ELP4: variants seen among roughly 807,000 people sequenced by gnomAD.
The protein encoded by ELP4 is elongator acetyltransferase complex subunit 4.
A neutral mutation model predicts 48.9 loss-of-function variants in ELP4; 51 were observed. The observed-to-expected ratio is 1.04, with a 90% CI of 0.83 to 1.32. The LOEUF (loss-of-function observed/expected upper bound fraction) is 1.32. Ranked by LOEUF, ELP4 falls within the 40% of genes most tolerant of loss-of-function variation. The pLI is 0.00. For synonymous variants in ELP4, 210 were observed against 189.2 expected (o/e 1.11, Z -0.90); for missense variants, 519 against 514.6 (o/e 1.01, Z -0.08).
At chr11:31,674,572 T>C (rs192578098) in intron 9 of ELP4, among the ~76,000 whole-genome samples, 191 of 152,344 alleles carry the variant, frequency 1.3e-3, no homozygotes, top group African/African-American at 4.4e-3. Flanking sequence ...ACATTTAATA[T>C]GGAAAGGAAA....
intron 3 of ELP4, among the ~76,000 whole-genome samples, chr11:31,578,295 C>G (rs1301284998): frequency 6.6e-6 from 1 of 152,178 alleles, no homozygotes; most frequent in African/African-American, 2.4e-5. Context: ...GAAGAGAATA[C>G]AAACAAATGG....
At chr11:31,615,609 C>T (rs1592161165) in intron 5 of ELP4, among the ~76,000 whole-genome samples, 1 of 150,870 alleles carries the variant, frequency 6.6e-6, no homozygotes, top group Admixed American at 6.6e-5. Context: ...TTTTTTTTTC[C>T]CCTATCCCAC....
intron 9 of ELP4, among the ~76,000 whole-genome samples, chr11:31,666,069 C>T (rs1286163903): frequency 8.0e-6 from 1 of 124,688 alleles, no homozygotes; most frequent in East Asian, 2.5e-4. Flanking sequence ...AGTACAGTGA[C>T]ACAATCTAGG....
chr11:31,553,725 A>ACACACACAC (rs1362894921), intron 3 of ELP4, among the ~76,000 whole-genome samples: 2 of 140,406 alleles, frequency 1.4e-5, no homozygotes, highest in African/African-American at 5.3e-5. Context: ...TGCACACACA[A>ACACACACAC]ACACACACAC....
intron 9 of ELP4, among the ~76,000 whole-genome samples, chr11:31,756,826 T>C (rs1947844042): frequency 6.6e-6 from 1 of 152,244 alleles, no homozygotes; most frequent in Non-Finnish European, 1.5e-5. Context: ...ATTATCTGCT[T>C]ATCCTTTGAC....
chr11:31,613,343 GCTCA>G (rs1241572391), intron 5 of ELP4, among the ~76,000 whole-genome samples: 1 of 152,066 alleles, frequency 6.6e-6, no homozygotes, highest in African/African-American at 2.4e-5. Context: ...AGTCAAATAA[GCTCA>G]TGAAAGACTG....
chr11:31,660,252 A>G (rs528963035), intron 9 of ELP4, among the ~76,000 whole-genome samples: 38 of 152,272 alleles, frequency 2.5e-4, no homozygotes, highest in South Asian at 1.9e-3. Flanking sequence ...CCGGATCCAT[A>G]AGAAATATTT....
chr11:31,543,231 G>T (rs557159159), intron 3 of ELP4, among the ~76,000 whole-genome samples: 1 of 152,176 alleles, frequency 6.6e-6, no homozygotes, highest in Non-Finnish European at 1.5e-5. Flanking sequence ...GAAGAAATAA[G>T]GAATGAAAGT....
intron 5 of ELP4, among the ~76,000 whole-genome samples, chr11:31,622,305 T>A (rs1384266573): frequency 2.0e-5 from 3 of 151,836 alleles, no homozygotes; most frequent in Non-Finnish European, 2.9e-5. Flanking sequence ...GGCAGTGTTG[T>A]ATATTGTTCT....
chr11:31,540,742 C>T (rs536074425), intron 3 of ELP4, among the ~76,000 whole-genome samples: 2 of 152,224 alleles, frequency 1.3e-5, no homozygotes, highest in East Asian at 3.9e-4. Flanking sequence ...TAAGAGAATT[C>T]TGGAAAACAT....
chr11:31,649,199 A>C (rs1334756379), intron 8 of ELP4: 3 of 151,578 alleles, frequency 2.0e-5, no homozygotes, highest in African/African-American at 7.2e-5. Context: ...GCATTTAAAC[A>C]CACATACAAA....
chr11:31,636,003 C>A (rs184340399), intron 7 of ELP4, among the ~76,000 whole-genome samples: 1 of 152,102 alleles, frequency 6.6e-6, no homozygotes, highest in African/African-American at 2.4e-5. Flanking sequence ...TCATCAACTT[C>A]CTGTCCACTA....
Position 31,565,980 on chromosome 11 carries a change from C to T in ELP4, c.381+26197C>T, listed in dbSNP as rs552240496. ...ACCTTGAGCATTATGGCCATTTTCA[C>T]GATATTGATTCTTCCTAACCATGAG... On this transcript the variant is annotated intron_variant, in intron 3 of 9. Transcript: ENST00000640961. 5.7e-4 allele frequency among the ~76,000 whole-genome samples: 87 copies of T among 152,194 alleles called. 3 individuals carry two copies. The South Asian group carries it at 0.015, about 27-fold the overall frequency.
At position 31,705,752 on chromosome 11, in the gene ELP4, C is replaced by A. The variant is rs1946617383; in HGVS notation, c.1143+55531C>A. 5.3e-5 allele frequency among the ~76,000 whole-genome samples: 8 copies of A among 152,228 alleles called. No individual in the cohort carries two copies. In the South Asian group the frequency reaches 1.5e-3, roughly 28 times the overall value. ...TCTAGAGACAAGAAATCTGCATTAACCTTTGTGATATTTAAACATCATAAA... is the reference window on the plus strand; with the variant it reads ...TCTAGAGACAAGAAATCTGCATTAAACTTTGTGATATTTAAACATCATAAA... On this transcript the variant is annotated intron_variant, in intron 9 of 9. Transcript: ENST00000640961.
chr11:31,567,916 G>C (rs1413423408), intron 3 of ELP4, among the ~76,000 whole-genome samples: 1 of 152,146 alleles, frequency 6.6e-6, no homozygotes, highest in Non-Finnish European at 1.5e-5. Context: ...TTACAGGTTG[G>C]GGTGACTGTG....
At chr11:31,760,172 TCTC>T (rs1438718435) in intron 9 of ELP4, among the ~76,000 whole-genome samples, 10 of 152,102 alleles carry the variant, frequency 6.6e-5, no homozygotes, top group African/African-American at 2.2e-4. Flanking sequence ...CATACCAACT[TCTC>T]CTCCAGTGCT....
chr11:31,514,273 A>G (rs1956065948), intron 1 of ELP4, among the ~76,000 whole-genome samples: 1 of 152,188 alleles, frequency 6.6e-6, no homozygotes, highest in Non-Finnish European at 1.5e-5. Context: ...AGCCTGGGCA[A>G]CATAGAGAGA....
rs1378420666 is a variant in ELP4, at chr11:31,632,273, G to T, written c.795G>T (p.Trp265Cys). The change falls in exon 7 of 10, where the codon TGG becomes TGT. Residue 265 changes from tryptophan to cysteine, a missense_variant. Transcript: ENST00000640961. ...IGIQNLGSPL[W>C]GDDICCAENG... The stretch of plus-strand genomic sequence containing the variant: ...TTCAGAATCTTGGCTCACCTTTATG[G>T]GGAGACGATATTTGCTGTGCAGAAA... 1.9e-6 allele frequency: 3 copies of T among 1,612,656 alleles called. No homozygotes were observed. The African/African-American group carries it at 4.0e-5, about 22-fold the overall frequency.
chr11:31,690,433 A>T (rs902101123), intron 9 of ELP4, among the ~76,000 whole-genome samples: 2 of 148,732 alleles, frequency 1.3e-5, no homozygotes, highest in African/African-American at 5.0e-5. Context: ...AAAAAAAAAT[A>T]TATATATTTT....
Sources: gnomAD v4.1 joint callset for allele counts (sites outside exome capture counted in the v4.1 genomes callset) on GRCh38, gnomAD v4.1.1 for gene constraint, MANE v1.5 for transcripts, NCBI Gene and HGNC (gene_info 2026-07-23, HGNC 2026-07-21) for gene names.